Variants in MACROD2 observed in about 807,000 individuals in gnomAD.
The protein encoded by MACROD2 is ADP-ribose glycohydrolase MACROD2.
MACROD2 carries 36 observed loss-of-function variants against 70.4 expected under a neutral mutation model. The ratio of observed to expected loss-of-function variants is 0.51; its 90% CI spans 0.39 to 0.68. MACROD2 has a LOEUF of 0.68. Among genes scored for constraint, MACROD2 ranks in the 30% least tolerant of loss-of-function variants. MACROD2 has a pLI of 0.00. For missense variants in MACROD2, 496 were observed against 538.4 expected, an observed-to-expected ratio of 0.92 and a Z score of 0.78; for synonymous variants, 172 against 178.8, an observed-to-expected ratio of 0.96 and a Z score of 0.30.
At chr20:14,227,253 T>C (rs527863290) in intron 3 of MACROD2, among the ~76,000 whole-genome samples, 1 of 152,230 alleles carries the variant, frequency 6.6e-6, no homozygotes, top group African/African-American at 2.4e-5. Context: ...TGGGGCCAGA[T>C]AAGAGAATAA....
intron 3 of MACROD2, among the ~76,000 whole-genome samples, chr20:14,195,402 C>G (rs1303723079): frequency 6.6e-6 from 1 of 152,076 alleles, no homozygotes; most frequent in East Asian, 1.9e-4. Flanking sequence ...AAGGGAAGGG[C>G]ATGGTCCCTT....
chr20:15,994,956 A>C (rs1036233699), intron 15 of MACROD2, among the ~76,000 whole-genome samples: 3 of 152,202 alleles, frequency 2.0e-5, no homozygotes, highest in African/African-American at 7.2e-5. Context: ...AGTGTACTTT[A>C]TATTAGGAAA....
At chr20:15,026,262 A>T (rs2075230709) in intron 5 of MACROD2, among the ~76,000 whole-genome samples, 1 of 152,180 alleles carries the variant, frequency 6.6e-6, no homozygotes, top group African/African-American at 2.4e-5. Flanking sequence ...TTCTTTAAGG[A>T]AACAAGATTC....
intron 8 of MACROD2, among the ~76,000 whole-genome samples, chr20:15,765,503 T>G (rs970878663): frequency 6.6e-6 from 1 of 152,202 alleles, no homozygotes; most frequent in Admixed American, 6.5e-5. Context: ...TTTGTAAATG[T>G]GTAGAAAATG....
chr20:15,546,319 A>T (rs545860739), intron 8 of MACROD2, among the ~76,000 whole-genome samples: 184 of 152,330 alleles, frequency 1.2e-3, no homozygotes, highest in Non-Finnish European at 2.2e-3. Flanking sequence ...ACTGTGCTAA[A>T]TGACTGTAAA....
intron 4 of MACROD2, among the ~76,000 whole-genome samples, chr20:14,616,031 G>A (rs75655285): frequency 0.024 from 3,636 of 152,224 alleles, 63 homozygotes; most frequent in Admixed American, 0.037. Context: ...TCCATTATCC[G>A]CAAAGGAAGA....
At chr20:14,753,804 T>C (rs1360739820) in intron 5 of MACROD2, among the ~76,000 whole-genome samples, 2 of 152,138 alleles carry the variant, frequency 1.3e-5, no homozygotes, top group African/African-American at 4.8e-5. Flanking sequence ...TCCTGCCTTA[T>C]TCAGTAGAAG....
At chr20:15,567,173 A>C (rs1444314068) in intron 8 of MACROD2, among the ~76,000 whole-genome samples, 1 of 152,064 alleles carries the variant, frequency 6.6e-6, no homozygotes. Flanking sequence ...TCATATATTA[A>C]TAGTTAAAGT....
chr20:15,352,434 T>A (rs1386030379), intron 6 of MACROD2, among the ~76,000 whole-genome samples: 1 of 152,166 alleles, frequency 6.6e-6, no homozygotes, highest in African/African-American at 2.4e-5. Context: ...AAAACACGTA[T>A]CAAAATATCT....
At chr20:15,250,578 T>G (rs551513425) in intron 6 of MACROD2, among the ~76,000 whole-genome samples, 2 of 152,340 alleles carry the variant, frequency 1.3e-5, no homozygotes, top group South Asian at 2.1e-4. Context: ...AAGCCTTTAC[T>G]CTTTTTCTTC....
chr20:14,808,120 GTAACA>G (rs1172718544), intron 5 of MACROD2, among the ~76,000 whole-genome samples: 1 of 151,886 alleles, frequency 6.6e-6, no homozygotes, highest in Admixed American at 6.6e-5. Flanking sequence ...CTCAAGAAGA[GTAACA>G]TAATTGTCAG....
At chr20:15,583,585 A>G (rs1201685153) in intron 8 of MACROD2, among the ~76,000 whole-genome samples, 1 of 152,086 alleles carries the variant, frequency 6.6e-6, no homozygotes, top group Non-Finnish European at 1.5e-5. Context: ...TGAGAACCCT[A>G]GGGCTCCAAG....
chr20:15,910,394 A>ATGTGTGTGTGTG (rs3072220), intron 10 of MACROD2, among the ~76,000 whole-genome samples: 9 of 146,440 alleles, frequency 6.1e-5, no homozygotes, highest in South Asian at 4.4e-4. Context: ...GTCAGAGGAC[A>ATGTGTGTGTGTG]TGTGTGTGTG....
chr20:15,817,531 C>T (rs564102892), intron 8 of MACROD2, among the ~76,000 whole-genome samples: 2 of 152,214 alleles, frequency 1.3e-5, no homozygotes, highest in Admixed American at 1.3e-4. Flanking sequence ...CAAACTATGC[C>T]CAAAATGAAA....
At chr20:15,433,359 G>T (rs2046387469) in intron 7 of MACROD2, among the ~76,000 whole-genome samples, 1 of 146,546 alleles carries the variant, frequency 6.8e-6, no homozygotes, top group Non-Finnish European at 1.5e-5. Context: ...GAATGTCTCA[G>T]GATACCAAAT....
chr20:15,761,043 T>C (rs551996830), intron 8 of MACROD2, among the ~76,000 whole-genome samples: 2 of 152,322 alleles, frequency 1.3e-5, no homozygotes, highest in East Asian at 1.9e-4. Context: ...AAGTGTTTTT[T>C]GTTTCGTTTT....
intron 5 of MACROD2, among the ~76,000 whole-genome samples, chr20:15,130,002 G>C (rs1276506729): frequency 6.6e-6 from 1 of 151,926 alleles, no homozygotes; most frequent in Non-Finnish European, 1.5e-5. Context: ...GTGCTTCCTG[G>C]TCACCCACCT....
chr20:15,949,194 A>G (rs1342497267), intron 12 of MACROD2, among the ~76,000 whole-genome samples: 1 of 152,180 alleles, frequency 6.6e-6, no homozygotes, highest in Non-Finnish European at 1.5e-5. Context: ...TATTTATATC[A>G]CAGGGTTGCT....
chr20:15,170,796 G>A (rs542032518), intron 5 of MACROD2, among the ~76,000 whole-genome samples: 2 of 152,290 alleles, frequency 1.3e-5, no homozygotes, highest in South Asian at 4.1e-4. Flanking sequence ...GTTAGCAAAG[G>A]CTTTTCAGCT....
Sources: allele counts gnomAD v4.1 joint callset (sites outside exome capture counted in the v4.1 genomes callset), GRCh38; gene constraint gnomAD v4.1.1; transcripts MANE v1.5; gene names NCBI Gene and HGNC (gene_info 2026-07-23, HGNC 2026-07-21).